The following INPP4A variants were observed in gnomAD, a reference collection of about 807,000 sequenced individuals.
INPP4A encodes inositol polyphosphate-4-phosphatase type I A.
In INPP4A, 33 loss-of-function variants were observed where a neutral mutation model predicts 119.8. The observed-to-expected ratio is 0.28, with a 90% confidence interval of 0.21 to 0.37. The LOEUF (loss-of-function observed/expected upper bound fraction) is 0.37. Ranked by LOEUF, INPP4A falls within the 10% of genes least tolerant of loss-of-function variation. The pLI, the probability that INPP4A is intolerant of heterozygous loss-of-function variation, is 1.00. For missense variants in INPP4A, 956 were observed against 1,289.9 expected, an observed-to-expected ratio of 0.74 and a Z score of 3.97; for synonymous variants, 496 against 500.7, an observed-to-expected ratio of 0.99 and a Z score of 0.12.
chr2:98,564,922 G>A (rs959172940), intron 19 of INPP4A, among the ~76,000 whole-genome samples, 159 bp downstream of exon 19: 2 of 152,234 alleles, frequency 1.3e-5, no homozygotes, highest in African/African-American at 2.4e-5. Flanking sequence ...AGTTACACAC[G>A]CACACGCCTT....
rs1419624829 is a variant in INPP4A at position 98,587,585 on chromosome 2, A to G, written c.2896A>G (p.Thr966Ala). 1 of 1,599,112 alleles carries G rather than the reference A, an allele frequency of 6.3e-7. No individual in the cohort carries two copies. The highest frequency in any genetic ancestry group is 1.8e-5 in the Admixed American group (1 of 55,700). The change falls in exon 25 of 25, where the codon ACT (threonine) becomes GCT (alanine). Residue 966 changes from threonine (T) to alanine (A), a missense_variant. Coordinates refer to ENST00000409851, the MANE Select transcript of INPP4A (RefSeq NM_001134225.2). ...CAAGCATTACAGGCCTCCCGAAGGG[A>G]CTTACGGAAAAGTTGAAACGTGAAC... Reference protein sequence around the residue: ...FPKHYRPPEGTYGKVET With the variant: ...FPKHYRPPEGAYGKVET
Position 98,587,732 on chromosome 2 carries a change from C to A in INPP4A, c.*124C>A, listed in dbSNP as rs1447767601. 6 of 815,884 alleles carry A rather than the reference C, an allele frequency of 7.4e-6. No homozygotes were observed. Among genetic ancestry groups the A allele is most frequent in the East Asian group, 2.9e-5 (1 of 34,422 alleles). 50.5% of individuals were successfully genotyped at this position (815,884 alleles called of 1,614,324 possible). A position where few individuals can be genotyped will look rare whatever the true frequency, so the allele number is the denominator to read the frequency against. ...TTTTTTGTGGTTTTTTTAAAAAAAA[C>A]ATTTCACTAAAGAGTCTCTGGAGCA... On this transcript the variant is annotated 3_prime_UTR_variant, in exon 25 of 25. Transcript: ENST00000409851.
intron 4 of INPP4A, among the ~76,000 whole-genome samples, chr2:98,528,970 C>T (rs1385367312): frequency 1.3e-5 from 2 of 151,080 alleles, no homozygotes; most frequent in South Asian, 2.1e-4. Flanking sequence ...CCCAGCTACT[C>T]GGGAGGCTGA....
intron 24 of INPP4A, among the ~76,000 whole-genome samples, chr2:98,578,544 C>A (rs1437536927): frequency 2.0e-5 from 3 of 152,218 alleles, no homozygotes; most frequent in African/African-American, 7.2e-5. Flanking sequence ...AACACAAAGA[C>A]CTCAGGAGAC....
chr2:98,511,220 C>T (rs1381590324), intron 1 of INPP4A, among the ~76,000 whole-genome samples: 2 of 152,146 alleles, frequency 1.3e-5, no homozygotes, highest in Non-Finnish European at 2.9e-5. Context: ...CCACCACGCC[C>T]AGCTAATTTT....
intron 1 of INPP4A, among the ~76,000 whole-genome samples, chr2:98,461,205 A>G (rs1697092346): frequency 6.6e-6 from 1 of 152,188 alleles, no homozygotes; most frequent in Non-Finnish European, 1.5e-5. Flanking sequence ...ACCACCCTCC[A>G]TCTCTAACTG....
Position 98,546,841 on chromosome 2 carries a change from G to C in INPP4A, c.1163+147G>C. 1 of 629,676 alleles carries C rather than the reference G, an allele frequency of 1.6e-6. No individual in the cohort carries two copies. Among genetic ancestry groups the C allele is most frequent in the East Asian group, 2.8e-5 (1 of 35,170 alleles). The allele number at this position is 629,676 out of a possible 1,614,324, so 39.0% of individuals were successfully genotyped here. On this transcript the variant is annotated intron_variant, in intron 13 of 24. Coordinates refer to ENST00000409851, the MANE Select transcript of INPP4A (RefSeq NM_001134225.2). This position sits in a 1 kb window ranked among gnomAD's most constrained non-coding sequence, Gnocchi z 4.2. ...CAGGAGGATCTGCCTTATGGAGCCT[G>C]TGCTGCTCTGTTTATGTGTGACTGA... is the stretch of plus-strand genomic sequence containing the variant.
In INPP4A at chr2:98,534,311, G is replaced by A. The variant is rs149699036; in HGVS notation, c.270+816G>A. On this transcript the variant is annotated intron_variant, in intron 5 of 24. Coordinates refer to ENST00000409851, the MANE Select transcript of INPP4A (RefSeq NM_001134225.2). Reference sequence around the variant, plus strand: ...CTGAGGAATTGACCAGCTGGTGGGTGGGGAGGCAGAAATGAATATGGCTAC... The same window carrying A: ...CTGAGGAATTGACCAGCTGGTGGGTAGGGAGGCAGAAATGAATATGGCTAC... 3.9e-5 allele frequency among the ~76,000 whole-genome samples: 6 copies of A among 152,314 alleles called. No homozygotes were observed. In the East Asian group the frequency reaches 7.7e-4, roughly 20 times the overall value.
rs1399978448 is a variant in INPP4A at position 98,570,987 on chromosome 2, TC to T, written c.2519-1824del. Among the ~76,000 whole-genome samples, 3 of 151,940 alleles carry T rather than the reference TC, an allele frequency of 2.0e-5. No homozygotes were observed. Among genetic ancestry groups the T allele is most frequent in the African/African-American group, 7.3e-5 (3 of 41,344 alleles). ...ACCTGGGCATTAGGGTTTCAGAAAC[TC>T]CCCAGGTGGTCCCTGTGTGCCACAG... On this transcript the variant is annotated intron_variant, in intron 22 of 24. Coordinates refer to ENST00000409851, the MANE Select transcript of INPP4A (RefSeq NM_001134225.2). This position sits in a 1 kb window ranked among gnomAD's most constrained non-coding sequence, Gnocchi z 4.3.
chr2:98,460,662 G>A (rs920694598), intron 1 of INPP4A, among the ~76,000 whole-genome samples: 1 of 152,152 alleles, frequency 6.6e-6, no homozygotes, highest in Non-Finnish European at 1.5e-5. Context: ...CCGCGACTTG[G>A]CCTCCTTGTC....
chr2:98,526,424 A>T (rs1378511180), intron 4 of INPP4A, among the ~76,000 whole-genome samples: 1 of 152,228 alleles, frequency 6.6e-6, no homozygotes, highest in Non-Finnish European at 1.5e-5. Context: ...AGAGAACCAA[A>T]ATTAATTTTT....
At chr2:98,472,180 C>T (rs1676168286) in intron 1 of INPP4A, among the ~76,000 whole-genome samples, 2 of 152,198 alleles carry the variant, frequency 1.3e-5, no homozygotes, top group Admixed American at 6.5e-5. Flanking sequence ...TGGAGACCTA[C>T]AGGGGCCAAG....
In INPP4A at chr2:98,570,963, C is replaced by G. The variant is rs917676328; in HGVS notation, c.2519-1852C>G. Reference sequence around the variant, plus strand: ...CCACCCCAGAGTGTGGTGGGCAGGACCTGGGCATTAGGGTTTCAGAAACTC... The same window carrying G: ...CCACCCCAGAGTGTGGTGGGCAGGAGCTGGGCATTAGGGTTTCAGAAACTC... On this transcript the variant is annotated intron_variant, in intron 22 of 24. Transcript: ENST00000409851. This position sits in a 1 kb window ranked among gnomAD's most constrained non-coding sequence, Gnocchi z 4.3. 3.3e-4 allele frequency among the ~76,000 whole-genome samples: 50 copies of G among 152,032 alleles called. 1 individual carries two copies. Among genetic ancestry groups the G allele is most frequent in the Non-Finnish European group, 4.4e-5 (3 of 67,976 alleles).
intron 10 of INPP4A, 68 bp from the exon 11 acceptor site, chr2:98,543,809 A>G (rs906378107): frequency 1.3e-6 from 2 of 1,588,178 alleles, no homozygotes; most frequent in African/African-American, 2.7e-5. Flanking sequence ...TGTCCTGGGT[A>G]GACCTCCTGG....
intron 1 of INPP4A, among the ~76,000 whole-genome samples, chr2:98,461,145 G>A (rs964249916): frequency 6.6e-6 from 1 of 152,170 alleles, no homozygotes; most frequent in African/African-American, 2.4e-5. Flanking sequence ...GGGGTGGTTT[G>A]GTAGTGAGAG....
chr2:98,515,321 G>C (rs1053960275), intron 1 of INPP4A, among the ~76,000 whole-genome samples: 2 of 152,112 alleles, frequency 1.3e-5, no homozygotes, highest in African/African-American at 4.8e-5. Flanking sequence ...TCAGCTTCAT[G>C]CCAGCCTTTC....
intron 16 of INPP4A, among the ~76,000 whole-genome samples, chr2:98,557,225 A>G (rs762962915): frequency 1.2e-4 from 18 of 152,194 alleles, no homozygotes; most frequent in Non-Finnish European, 2.2e-4. Context: ...TATATATGCT[A>G]TTTAGGGTTT....
chr2:98,455,467 C>T (rs1695973961), intron 1 of INPP4A, among the ~76,000 whole-genome samples: 1 of 152,176 alleles, frequency 6.6e-6, no homozygotes, highest in Non-Finnish European at 1.5e-5. Flanking sequence ...GTGCCCACCT[C>T]AGGTAGAAGG....
chr2:98,537,764 C>T lies in INPP4A; in HGVS notation c.468-99C>T. On this transcript the variant is annotated intron_variant, in intron 7 of 24. Transcript: ENST00000409851. Reference sequence around the variant, plus strand: ...GGTCAGTCAGCTCGGCCCTGCTGCCCCCAGGACCCTGATGACCCAGTACGG... The same window carrying T: ...GGTCAGTCAGCTCGGCCCTGCTGCCTCCAGGACCCTGATGACCCAGTACGG... The T allele has an allele frequency of 3.4e-6, 3 of 877,390 alleles. No individual in the cohort carries two copies. In the South Asian group the frequency reaches 4.3e-5, roughly 13 times the overall value. The allele number at this position is 877,390 out of a possible 1,614,324, so 54.4% of individuals were successfully genotyped here. A position where few individuals can be genotyped will look rare whatever the true frequency, so the allele number is the denominator to read the frequency against.
Sources: allele counts gnomAD v4.1 joint callset (sites outside exome capture counted in the v4.1 genomes callset), GRCh38; gene constraint gnomAD v4.1.1; non-coding constraint Gnocchi (gnomAD v3.1); transcripts MANE v1.5; gene names NCBI Gene and HGNC (gene_info 2026-07-23, HGNC 2026-07-21).